The following PLCL1 variants were observed in gnomAD, a reference collection of about 807,000 sequenced individuals.
PLCL1 encodes inactive phospholipase C-like protein 1.
A neutral mutation model predicts 84.4 loss-of-function variants in PLCL1; 41 were observed. The observed-to-expected ratio is 0.49, with a 90% CI of 0.38 to 0.63. The LOEUF (loss-of-function observed/expected upper bound fraction) is 0.63, where lower values mean the gene tolerates loss of function less well. Among genes scored for constraint, PLCL1 ranks in the 30% least tolerant of loss-of-function variants. PLCL1 has a pLI of 0.00. For missense variants in PLCL1, 1,206 were observed against 1,367.8 expected (o/e 0.88, Z 1.87); for synonymous variants, 490 against 488.3 (o/e 1.00, Z -0.05).
chr2:197,856,912 T>G (rs1277151140), intron 1 of PLCL1, among the ~76,000 whole-genome samples: 1 of 152,216 alleles, frequency 6.6e-6, no homozygotes, highest in African/African-American at 2.4e-5. Flanking sequence ...TTGAAGTTTT[T>G]TCAAAGTGGT....
chr2:198,121,372 C>G (rs1260850043), intron 5 of PLCL1, among the ~76,000 whole-genome samples: 1 of 152,028 alleles, frequency 6.6e-6, no homozygotes, highest in Non-Finnish European at 1.5e-5. Flanking sequence ...TGGGGTATTA[C>G]TTAAGACACA....
intron 3 of PLCL1, among the ~76,000 whole-genome samples, chr2:198,100,215 A>G (rs773959735): frequency 7.2e-5 from 11 of 152,172 alleles, no homozygotes; most frequent in Non-Finnish European, 1.2e-4. Context: ...ACAAAGCTGA[A>G]TAAGATTGAG....
chr2:198,015,799 A>G (rs1019573669), intron 1 of PLCL1, among the ~76,000 whole-genome samples: 2 of 152,194 alleles, frequency 1.3e-5, no homozygotes, highest in African/African-American at 4.8e-5. Flanking sequence ...GTGATAAATG[A>G]AGTTGTTGCA....
intron 1 of PLCL1, among the ~76,000 whole-genome samples, chr2:197,872,306 C>G (rs1687662728): frequency 6.6e-6 from 1 of 152,088 alleles, no homozygotes; most frequent in Non-Finnish European, 1.5e-5. Context: ...TACCAATCAC[C>G]TATCCTATTA....
chr2:197,852,378 A>G (rs1019847282), intron 1 of PLCL1, among the ~76,000 whole-genome samples: 3 of 152,142 alleles, frequency 2.0e-5, no homozygotes, highest in East Asian at 1.9e-4. Context: ...TGTTTTACCA[A>G]CTTCATGACT....
chr2:198,083,903 G>T lies in PLCL1; in HGVS notation c.386G>T (p.Arg129Leu). 6.2e-7 allele frequency: 1 copy of T among 1,614,058 alleles called. No homozygotes were observed. The highest frequency in any genetic ancestry group is 8.5e-7 in the Non-Finnish European group (1 of 1,179,990). ...CELKKVRPNS[R>L]IYNRFFTLDT... ...TTGAAGAAAGTCCGGCCAAATTCTC[G>T]CATTTACAACCGTTTTTTCACTCTG... The change falls in exon 2 of 6, where the codon CGC (arginine) becomes CTC (leucine). Residue 129 changes from arginine (R) to leucine (L), a missense_variant. Transcript: ENST00000428675.
chr2:197,903,617 G>A (rs1202306596), intron 1 of PLCL1, among the ~76,000 whole-genome samples: 1 of 146,094 alleles, frequency 6.8e-6, no homozygotes, highest in Admixed American at 6.9e-5. Flanking sequence ...CTGAGTAGCC[G>A]GGACTACAGG....
chr2:197,999,412 A>C (rs921221514), intron 1 of PLCL1, among the ~76,000 whole-genome samples: 3 of 152,216 alleles, frequency 2.0e-5, no homozygotes, highest in Non-Finnish European at 2.9e-5. Flanking sequence ...CATTTTAGCT[A>C]TATCATAAGT....
chr2:197,861,130 G>A (rs1445667172), intron 1 of PLCL1, among the ~76,000 whole-genome samples: 2 of 152,146 alleles, frequency 1.3e-5, no homozygotes, highest in African/African-American at 4.8e-5. Context: ...GTAGCTTCAG[G>A]ATGGGGGCTG....
chr2:198,093,446 A>T (rs534819809), intron 3 of PLCL1, among the ~76,000 whole-genome samples: 3 of 152,268 alleles, frequency 2.0e-5, no homozygotes, highest in Non-Finnish European at 4.4e-5. Context: ...GCAAACTTGA[A>T]ACTTCTCGTA....
At position 197,805,000 on chromosome 2, in the gene PLCL1, C is replaced by A; in HGVS notation, c.-100C>A. ...CGCTGGGCGGTGAAACAAAGTCTGGCGGGGCCGCCTCCCGGTGCAGGAGCG... is the reference window on the plus strand; with the variant it reads ...CGCTGGGCGGTGAAACAAAGTCTGGAGGGGCCGCCTCCCGGTGCAGGAGCG... On this transcript the variant is annotated 5_prime_UTR_variant, in exon 1 of 6. Transcript: ENST00000428675. 2 of 1,325,320 alleles carry A rather than the reference C, an allele frequency of 1.5e-6. No individual in the cohort carries two copies. Among genetic ancestry groups the A allele is most frequent in the Non-Finnish European group, 2.0e-6 (2 of 1,019,460 alleles). The allele number at this position is 1,325,320 out of a possible 1,614,324, so 82.1% of individuals were successfully genotyped here.
intron 5 of PLCL1, among the ~76,000 whole-genome samples, chr2:198,129,290 C>T (rs549957078): frequency 3.9e-4 from 59 of 152,214 alleles, no homozygotes; most frequent in African/African-American, 1.3e-3. Context: ...TCTATTGCCT[C>T]TAAGGATGGC....
intron 1 of PLCL1, among the ~76,000 whole-genome samples, chr2:197,999,319 A>C (rs1254531426): frequency 6.6e-6 from 1 of 152,236 alleles, no homozygotes; most frequent in East Asian, 1.9e-4. Context: ...ACAATCATTT[A>C]GCACAGCACC....
At position 197,916,246 on chromosome 2, in the gene PLCL1, A is replaced by G. The variant is rs142359369; in HGVS notation, c.240+110907A>G. Among the ~76,000 whole-genome samples, 11 of 152,308 alleles carry G rather than the reference A, an allele frequency of 7.2e-5. No homozygotes were observed. The East Asian group carries it at 2.1e-3, about 29-fold the overall frequency. Reference sequence around the variant, plus strand: ...AAATGACTGATTTGGTGTTTCAAGTATTTTTAAGCACTGGGAAAGAATATA... The same window carrying G: ...AAATGACTGATTTGGTGTTTCAAGTGTTTTTAAGCACTGGGAAAGAATATA... On this transcript the variant is annotated intron_variant, in intron 1 of 5. Transcript: ENST00000428675.
At chr2:197,914,988 A>G (rs922632023) in intron 1 of PLCL1, among the ~76,000 whole-genome samples, 1 of 152,186 alleles carries the variant, frequency 6.6e-6, no homozygotes, top group Admixed American at 6.5e-5. Context: ...TATTGTTGGA[A>G]TTAAGAGTTG....
chr2:198,001,067 A>G (rs1189258727), intron 1 of PLCL1, among the ~76,000 whole-genome samples: 1 of 152,188 alleles, frequency 6.6e-6, no homozygotes. Context: ...CTGTATAAGT[A>G]ACTCATAGAG....
At chr2:197,931,097 G>A (rs928644532) in intron 1 of PLCL1, among the ~76,000 whole-genome samples, 10 of 152,224 alleles carry the variant, frequency 6.6e-5, no homozygotes, top group African/African-American at 7.2e-5. Context: ...TAAGTTTCGT[G>A]TGGTAAATTC....
chr2:198,030,596 C>A (rs971963793), intron 1 of PLCL1, among the ~76,000 whole-genome samples: 1 of 152,142 alleles, frequency 6.6e-6, no homozygotes, highest in African/African-American at 2.4e-5. Flanking sequence ...TAGTAGTTAT[C>A]ATTTTCTGGC....
chr2:197,944,073 G>C (rs1396222705), intron 1 of PLCL1, among the ~76,000 whole-genome samples: 6 of 152,174 alleles, frequency 3.9e-5, no homozygotes, highest in Admixed American at 3.3e-4. Flanking sequence ...GACTTCTTGA[G>C]AAAGGTTACT....
Sources: allele counts gnomAD v4.1 joint callset (sites outside exome capture counted in the v4.1 genomes callset), GRCh38; gene constraint gnomAD v4.1.1; transcripts MANE v1.5; gene names NCBI Gene and HGNC (gene_info 2026-07-23, HGNC 2026-07-21).